The following STRN3 variants were observed in gnomAD, a reference collection of about 807,000 sequenced individuals.
STRN3 encodes the protein striatin 3.
A neutral mutation model predicts 95.6 loss-of-function variants in STRN3; 29 were observed. The observed-to-expected ratio is 0.30, with a 90% CI of 0.23 to 0.41. The LOEUF is 0.41. STRN3 is among the 10% of genes least tolerant of loss of function. STRN3 has a pLI of 1.00. For missense variants in STRN3, 890 were observed against 972.1 expected, an observed-to-expected ratio of 0.92 and a Z score of 1.12; for synonymous variants, 331 against 357.6, an observed-to-expected ratio of 0.93 and a Z score of 0.84.
chr14:30,920,229 A>G (rs1363265557), intron 8 of STRN3, among the ~76,000 whole-genome samples: 1 of 152,204 alleles, frequency 6.6e-6, no homozygotes, highest in Non-Finnish European at 1.5e-5. Flanking sequence ...CCTATTTTAC[A>G]GTAATTTCTA....
chr14:30,995,731 AAAAAG>A (rs1398699039), intron 1 of STRN3, among the ~76,000 whole-genome samples: 4 of 152,220 alleles, frequency 2.6e-5, no homozygotes, highest in East Asian at 1.9e-4. Flanking sequence ...TAATTCATTA[AAAAAG>A]AAAAGTATGA....
At chr14:30,963,454 G>A (rs1880314509) in intron 1 of STRN3, among the ~76,000 whole-genome samples, 1 of 152,156 alleles carries the variant, frequency 6.6e-6, no homozygotes, top group African/African-American at 2.4e-5. Context: ...TATCACCCAG[G>A]CTGGAGTGCA....
intron 13 of STRN3, among the ~76,000 whole-genome samples, chr14:30,907,865 T>G (rs1020105686): frequency 6.6e-6 from 1 of 152,202 alleles, no homozygotes; most frequent in South Asian, 2.1e-4. Flanking sequence ...ACAATCCTGT[T>G]TTTCTAGTAA....
intron 13 of STRN3, 152 bp from the exon 14 acceptor site, chr14:30,907,196 A>C (rs774702377): frequency 2.6e-6 from 2 of 781,962 alleles, no homozygotes; most frequent in Non-Finnish European, 3.8e-6. Flanking sequence ...GCTATATCTA[A>C]GAGTAGAGTT....
chr14:31,008,593 A>G (rs1455518525), intron 1 of STRN3, among the ~76,000 whole-genome samples: 1 of 152,218 alleles, frequency 6.6e-6, no homozygotes, highest in Non-Finnish European at 1.5e-5. Flanking sequence ...GAGACAAGAA[A>G]TAGTGGTAAG....
chr14:30,975,965 CAT>C (rs1293355811), intron 1 of STRN3, among the ~76,000 whole-genome samples: 1 of 151,296 alleles, frequency 6.6e-6, no homozygotes, highest in Non-Finnish European at 1.5e-5. Flanking sequence ...AAAATGCAGT[CAT>C]ATAAAATTCT....
At chr14:30,918,873 A>G in intron 9 of STRN3, 93 bp downstream of exon 9, 1 of 1,255,634 alleles carries the variant, frequency 8.0e-7, no homozygotes, top group African/African-American at 1.5e-5. Context: ...AATGATCATC[A>G]GCATTTTATA....
intron 16 of STRN3, among the ~76,000 whole-genome samples, chr14:30,896,293 G>C (rs573506868): frequency 7.6e-4 from 116 of 152,282 alleles, no homozygotes; most frequent in African/African-American, 2.6e-3. Context: ...ACACTGTAAA[G>C]CAATGACAAT....
chr14:30,950,206 C>T (rs1005800322), intron 4 of STRN3, among the ~76,000 whole-genome samples: 2 of 151,990 alleles, frequency 1.3e-5, no homozygotes, highest in Non-Finnish European at 2.9e-5. Context: ...ACACAGTGGT[C>T]GGAGGTGGAA....
intron 1 of STRN3, among the ~76,000 whole-genome samples, chr14:30,973,236 T>C (rs924352634): frequency 2.7e-5 from 4 of 149,272 alleles, no homozygotes; most frequent in African/African-American, 7.5e-5. Flanking sequence ...CAAATAAAGA[T>C]TGGAGCAGAG....
At chr14:30,981,575 T>TTC (rs1555323881) in intron 1 of STRN3, among the ~76,000 whole-genome samples, 1 of 69,284 alleles carries the variant, frequency 1.4e-5, no homozygotes, top group Non-Finnish European at 3.1e-5. Context: ...TAGCTTAGAA[T>TTC]TCACACACAC....
At position 31,026,272 on chromosome 14, in the gene STRN3, G is replaced by C; in HGVS notation, c.-87C>G. Reference sequence around the variant, plus strand: ...GAGGGTGGCCCCGCGCTGGCTGCGGGGCGGAGGCCGGCCGGGAGAGGGGCG... The same window carrying C: ...GAGGGTGGCCCCGCGCTGGCTGCGGCGCGGAGGCCGGCCGGGAGAGGGGCG... On this transcript the variant is annotated 5_prime_UTR_variant, in exon 1 of 18. Coordinates refer to ENST00000357479, the MANE Select transcript of STRN3 (RefSeq NM_001083893.2). The C allele has an allele frequency of 7.7e-7, 1 of 1,300,006 alleles. No homozygotes were observed. Among genetic ancestry groups the C allele is most frequent in the Non-Finnish European group, 9.8e-7 (1 of 1,017,868 alleles). The allele number at this position is 1,300,006 out of a possible 1,614,324, so 80.5% of individuals were successfully genotyped here.
At chr14:30,993,726 C>A (rs1337661674) in intron 1 of STRN3, among the ~76,000 whole-genome samples, 1 of 152,110 alleles carries the variant, frequency 6.6e-6, no homozygotes, top group Admixed American at 6.5e-5. Context: ...GTCGCCCAGG[C>A]TGGAGTGCAA....
chr14:30,965,945 C>T (rs1019862132), intron 1 of STRN3, among the ~76,000 whole-genome samples: 8 of 152,124 alleles, frequency 5.3e-5, no homozygotes, highest in Admixed American at 2.6e-4. Context: ...ATAAAGCAAT[C>T]TTTTTCGATT....
intron 1 of STRN3, among the ~76,000 whole-genome samples, chr14:30,987,768 C>T (rs955945160): frequency 2.7e-4 from 40 of 150,476 alleles, no homozygotes; most frequent in Non-Finnish European, 5.0e-4. Flanking sequence ...GACAGACTCT[C>T]GTTCTGTTGC....
At chr14:31,000,778 G>A (rs1436443102) in intron 1 of STRN3, among the ~76,000 whole-genome samples, 1 of 151,912 alleles carries the variant, frequency 6.6e-6, no homozygotes, top group African/African-American at 2.4e-5. Flanking sequence ...CTTCAACAGG[G>A]CAATGGCTTT....
chr14:30,983,731 T>C (rs1033910987), intron 1 of STRN3, among the ~76,000 whole-genome samples: 3 of 152,104 alleles, frequency 2.0e-5, no homozygotes, highest in Non-Finnish European at 2.9e-5. Context: ...GCTGAAAGAA[T>C]CCTAAATTTA....
chr14:30,957,615 T>C lies in STRN3; in HGVS notation c.283-1373A>G, dbSNP rs113963842. Among the ~76,000 whole-genome samples the C allele has an allele frequency of 3.4e-3, 513 of 152,342 alleles. 4 individuals are homozygous for C. Among genetic ancestry groups the C allele is most frequent in the African/African-American group, 0.012 (486 of 41,574 alleles). On this transcript the variant is annotated intron_variant, in intron 1 of 17. Transcript: ENST00000357479. The stretch of plus-strand genomic sequence containing the variant: ...TATTCCATTACCTCATTGCTTTCTA[T>C]TGTCATTTTTCCACTGTGAGAGAAT...
chr14:30,996,908 G>A (rs1882226430), intron 1 of STRN3, among the ~76,000 whole-genome samples: 1 of 151,982 alleles, frequency 6.6e-6, no homozygotes, highest in Non-Finnish European at 1.5e-5. Flanking sequence ...TGAGAAATAT[G>A]AGGAAAAGAA....
Sources: allele counts gnomAD v4.1 joint callset (sites outside exome capture counted in the v4.1 genomes callset), GRCh38; gene constraint gnomAD v4.1.1; transcripts MANE v1.5; gene names NCBI Gene and HGNC (gene_info 2026-07-23, HGNC 2026-07-21).